OSBPL9: variants seen among roughly 807,000 people sequenced by gnomAD.
OSBPL9 encodes the protein oxysterol binding protein like 9.
Under a neutral mutation model 106.6 loss-of-function variants are expected in OSBPL9, and 40 were observed. The ratio of observed to expected loss-of-function variants is 0.38; its 90% confidence interval spans 0.29 to 0.49. The LOEUF (loss-of-function observed/expected upper bound fraction) is 0.49. Among genes scored for constraint, OSBPL9 ranks in the 20% least tolerant of loss-of-function variants. The pLI, the probability that OSBPL9 is intolerant of heterozygous loss-of-function variation, is 0.97. For missense variants in OSBPL9, 609 were observed against 887.2 expected (o/e 0.69, Z 3.98); for synonymous variants, 269 against 295.4 (o/e 0.91, Z 0.92).
chr1:51,523,935 GA>G, the OSBPL9 span, among the ~76,000 whole-genome samples: 51 of 151,192 alleles, frequency 3.4e-4, 1 homozygote, highest in South Asian at 6.9e-3. Flanking sequence ...TGAAACTATG[GA>G]AAAAAAAACT....
chr1:51,524,354 A>G, the OSBPL9 span, among the ~76,000 whole-genome samples: 1 of 152,224 alleles, frequency 6.6e-6, no homozygotes, highest in Non-Finnish European at 1.5e-5. Flanking sequence ...GGGAAGGCCC[A>G]GGTTGGTCCA....
chr1:51,578,860 A>G (rs139272437), intron 1 of OSBPL9, among the ~76,000 whole-genome samples: 28 of 152,300 alleles, frequency 1.8e-4, no homozygotes, highest in African/African-American at 6.5e-4. Flanking sequence ...AAGGGTAGTG[A>G]TAGAAAGCAC....
chr1:51,775,699 C>T (rs527765008), intron 14 of OSBPL9, among the ~76,000 whole-genome samples: 1 of 152,278 alleles, frequency 6.6e-6, no homozygotes, highest in South Asian at 2.1e-4. Context: ...CAACCTCTGC[C>T]TCCTGGGTTC....
chr1:51,632,270 C>T (rs1313339980), intron 1 of OSBPL9, among the ~76,000 whole-genome samples: 1 of 152,114 alleles, frequency 6.6e-6, no homozygotes, highest in Non-Finnish European at 1.5e-5. Flanking sequence ...TTGTTTATAA[C>T]AGCATTGCCA....
chr1:51,729,825 A>G lies in OSBPL9; in HGVS notation c.319-15711A>G, dbSNP rs2148936610. 1 of 1,237,374 alleles carries G rather than the reference A, an allele frequency of 8.1e-7. No homozygotes were observed. Among genetic ancestry groups the G allele is most frequent in the East Asian group, 3.2e-5 (1 of 31,548 alleles). 76.6% of individuals were successfully genotyped at this position (1,237,374 alleles called of 1,614,324 possible). ...AAAGGGGTGGGGGGTGAAGGGGGTG[A>G]AGGGGGTGTCCCGGGGGACGGGCTG... On this transcript the variant is annotated intron_variant, in intron 4 of 23. Coordinates refer to ENST00000428468, the MANE Select transcript of OSBPL9 (RefSeq NM_024586.6). This position sits in a 1 kb window ranked among gnomAD's most constrained non-coding sequence, Gnocchi z 5.1.
chr1:51,670,395 G>A (rs1649596240), intron 3 of OSBPL9, among the ~76,000 whole-genome samples: 1 of 152,168 alleles, frequency 6.6e-6, no homozygotes, highest in Admixed American at 6.5e-5. Context: ...TGCTAGGTAT[G>A]CCAAGATAAA....
rs1356819250 is a variant in OSBPL9 at position 51,788,874 on chromosome 1, A to AAAT, written c.*1087_*1089dup. Among the ~76,000 whole-genome samples the AAAT allele has an allele frequency of 2.0e-5, 3 of 151,692 alleles. No individual in the cohort carries two copies. Among genetic ancestry groups the AAAT allele is most frequent in the South Asian group, 2.1e-4 (1 of 4,812 alleles). ...TCTATCTATCATCTTTTTTATTTAA[A>AAAT]AATACATTAAAAAAACAGGTATTAG... is the stretch of plus-strand genomic sequence containing the variant. On this transcript the variant is annotated 3_prime_UTR_variant, in exon 24 of 24. Coordinates refer to ENST00000428468, the MANE Select transcript of OSBPL9 (RefSeq NM_024586.6).
the OSBPL9 span, chr1:51,563,575 T>G: frequency 1.3e-5 from 2 of 152,248 alleles, no homozygotes; most frequent in South Asian, 4.1e-4. Context: ...AGCGTTGACA[T>G]GTCTTTTGTC....
the OSBPL9 span, among the ~76,000 whole-genome samples, chr1:51,533,565 A>G: frequency 6.6e-6 from 1 of 151,832 alleles, no homozygotes; most frequent in African/African-American, 2.4e-5. Flanking sequence ...TGGGAGTCAA[A>G]AGGAATCTGC....
chr1:51,601,688 A>T (rs1645325698), intron 2 of OSBPL9, among the ~76,000 whole-genome samples: 1 of 152,250 alleles, frequency 6.6e-6, no homozygotes, highest in Non-Finnish European at 1.5e-5. Context: ...CAAAGGTTTC[A>T]TGTCAGTAAG....
chr1:51,523,156 T>A, the OSBPL9 span, among the ~76,000 whole-genome samples: 1 of 152,182 alleles, frequency 6.6e-6, no homozygotes, highest in Non-Finnish European at 1.5e-5. Flanking sequence ...TTTGAACAAC[T>A]GACATATCCC....
chr1:51,763,206 A>G (rs928767578), intron 11 of OSBPL9, among the ~76,000 whole-genome samples: 5 of 151,940 alleles, frequency 3.3e-5, no homozygotes, highest in African/African-American at 9.7e-5. Context: ...GCATTTCACT[A>G]TGTTGGCCAG....
At chr1:51,764,961 A>G (rs1306728855) in intron 11 of OSBPL9, among the ~76,000 whole-genome samples, 3 of 152,198 alleles carry the variant, frequency 2.0e-5, no homozygotes, top group East Asian at 3.8e-4. Context: ...CAGTGTCTTA[A>G]TAAACTTTAG....
chr1:51,547,250 T>G, the OSBPL9 span, among the ~76,000 whole-genome samples: 1 of 152,224 alleles, frequency 6.6e-6, no homozygotes, highest in Admixed American at 6.5e-5. Context: ...AACCTGGTTA[T>G]CATATGGAGA....
At chr1:51,574,541 C>T (rs1314654682), upstream of OSBPL9, among the ~76,000 whole-genome samples, 1 of 152,162 alleles carries the variant, frequency 6.6e-6, no homozygotes, top group Non-Finnish European at 1.5e-5. Context: ...ATCGCTTGAA[C>T]CCAGGAGGCA....
At chr1:51,648,532 A>G (rs1646309468) in intron 1 of OSBPL9, among the ~76,000 whole-genome samples, 1 of 152,140 alleles carries the variant, frequency 6.6e-6, no homozygotes, top group Non-Finnish European at 1.5e-5. Flanking sequence ...TTTATCAGAA[A>G]AGGCTGTGTC....
rs533637747 is a variant in OSBPL9 at position 51,677,694 on chromosome 1, G to A, written c.241+8182G>A. 2.0e-5 allele frequency among the ~76,000 whole-genome samples: 3 copies of A among 152,172 alleles called. No individual in the cohort carries two copies. The East Asian group carries it at 5.9e-4, about 30-fold the overall frequency. Reference sequence around the variant, plus strand: ...GCCTCCCAAGTAGCTGGGATTAGAGGCATCCACCACCACTCTCGGCTAATT... The same window carrying A: ...GCCTCCCAAGTAGCTGGGATTAGAGACATCCACCACCACTCTCGGCTAATT... On this transcript the variant is annotated intron_variant, in intron 3 of 23. Coordinates refer to ENST00000428468, the MANE Select transcript of OSBPL9 (RefSeq NM_024586.6).
chr1:51,582,448 C>T lies in OSBPL9; in HGVS notation c.-423+5192C>T, dbSNP rs113132024. ...GTTCAAGCAATTCTCCTGCCTCAGC[C>T]TCCCGATTAGCTGGGATTACAGGCA... On this transcript the variant is annotated intron_variant, in intron 1 of 25. Transcript: ENST00000371714. Among the ~76,000 whole-genome samples the T allele has an allele frequency of 9.9e-3, 1,509 of 152,316 alleles. 19 individuals carry two copies. The highest frequency in any genetic ancestry group is 0.035 in the African/African-American group (1,443 of 41,562).
At chr1:51,726,282 A>G (rs1663104216) in intron 4 of OSBPL9, among the ~76,000 whole-genome samples, 1 of 152,216 alleles carries the variant, frequency 6.6e-6, no homozygotes, top group Non-Finnish European at 1.5e-5. Flanking sequence ...TTACAGAGTT[A>G]AGAACAGTTG....
Sources: gnomAD v4.1 joint callset for allele counts (sites outside exome capture counted in the v4.1 genomes callset) on GRCh38, gnomAD v4.1.1 for gene constraint, Gnocchi (gnomAD v3.1) non-coding constraint, MANE v1.5 for transcripts, NCBI Gene and HGNC (gene_info 2026-07-23, HGNC 2026-07-21) for gene names.